Variants in ZNF584 observed in about 807,000 individuals in gnomAD.
The protein encoded by ZNF584 is zinc finger protein 584.
ZNF584 carries 12 observed loss-of-function variants against 14.7 expected under a neutral mutation model. The observed-to-expected ratio is 0.82, with a 90% confidence interval of 0.52 to 1.32. The LOEUF is 1.32. Ranked by LOEUF, ZNF584 falls within the 40% of genes most tolerant of loss-of-function variation. The pLI is 0.00. For synonymous variants in ZNF584, 204 were observed against 190.9 expected (o/e 1.07, Z -0.57); for missense variants, 478 against 518.8 (o/e 0.92, Z 0.76).
rs2122258547 is a variant in ZNF584, at chr19:58,418,311, G to C, written c.*527G>C. Reference sequence around the variant, plus strand: ...ACTATGTGGTAATAAAGGCTTTATTGTTTAAGCCGCTTAAAATTTTTTTTT... The same window carrying C: ...ACTATGTGGTAATAAAGGCTTTATTCTTTAAGCCGCTTAAAATTTTTTTTT... On this transcript the variant is annotated 3_prime_UTR_variant, in exon 4 of 4. Coordinates refer to ENST00000306910, the MANE Select transcript of ZNF584 (RefSeq NM_173548.3). The C allele has an allele frequency of 6.5e-6, 1 of 154,410 alleles. No individual in the cohort carries two copies. Among genetic ancestry groups the C allele is most frequent in the African/African-American group, 2.4e-5 (1 of 41,196 alleles). 9.6% of individuals were successfully genotyped at this position (154,410 alleles called of 1,614,324 possible). A position where few individuals can be genotyped will look rare whatever the true frequency, so the allele number is the denominator to read the frequency against.
At chr19:58,405,173 A>AC (rs1474182789), upstream of ZNF584, 2 of 116,324 alleles carry the variant, frequency 1.7e-5, no homozygotes, top group Non-Finnish European at 3.5e-5. Flanking sequence ...CAGGGGGCTG[A>AC]CCCCCCCACC....
In ZNF584 at chr19:58,410,679, ATATATG is replaced by A. The variant is rs1377414488; in HGVS notation, c.169+594_169+599del. Among the ~76,000 whole-genome samples, 498 of 53,614 alleles carry A rather than the reference ATATATG, an allele frequency of 9.3e-3. 87 individuals are homozygous for A. Among genetic ancestry groups the A allele is most frequent in the Middle Eastern group, 0.022 (4 of 184 alleles). The allele number at this position is 53,614 out of a possible 152,430, so 35.2% of individuals were successfully genotyped here. A position where few individuals can be genotyped will look rare whatever the true frequency, so the allele number is the denominator to read the frequency against. ...TGTGTATATATGTATATATGTGTAT[ATATATG>A]TATATATGTATATATATATGTATAT... On this transcript the variant is annotated intron_variant, in intron 2 of 3. Transcript: ENST00000306910.
chr19:58,410,553 A>G lies in ZNF584; in HGVS notation c.169+462A>G, dbSNP rs1185258845. Reference sequence around the variant, plus strand: ...TATATATATATATATATATATATATATATATGTGTATATATATATGTATAT... The same window carrying G: ...TATATATATATATATATATATATATGTATATGTGTATATATATATGTATAT... On this transcript the variant is annotated intron_variant, in intron 2 of 3. Transcript: ENST00000306910. Among the ~76,000 whole-genome samples the G allele has an allele frequency of 1.4e-3, 40 of 28,250 alleles. 9 individuals are homozygous for G. Among genetic ancestry groups the G allele is most frequent in the African/African-American group, 0.011 (35 of 3,204 alleles). The allele number at this position is 28,250 out of a possible 152,430, so 18.5% of individuals were successfully genotyped here. A position where few individuals can be genotyped will look rare whatever the true frequency, so the allele number is the denominator to read the frequency against.
chr19:58,408,250 C>G (rs900586996), upstream of ZNF584: 2 of 152,346 alleles, frequency 1.3e-5, no homozygotes, highest in Admixed American at 1.3e-4. Context: ...AGGCGGGCTT[C>G]TGCGGAGGCC....
At chr19:58,411,922 A>G (rs906504448) in intron 2 of ZNF584, among the ~76,000 whole-genome samples, 2 of 147,538 alleles carry the variant, frequency 1.4e-5, no homozygotes, top group Admixed American at 6.8e-5. Context: ...GTTGATTTTC[A>G]TATGTTCAAC....
rs1384401529 is a variant in ZNF584, at chr19:58,408,655, G to C, written c.-493G>C. 4.5e-5 allele frequency: 7 copies of C among 155,220 alleles called. No individual in the cohort carries two copies. Among genetic ancestry groups the C allele is most frequent in the African/African-American group, 1.7e-4 (7 of 41,692 alleles). 9.6% of individuals were successfully genotyped at this position (155,220 alleles called of 1,614,324 possible). ...AGCGGCGCCCTCCCTTATCGCCTTGGCAACGACCCAGCCGCGCCGCGAGGA... is the reference window on the plus strand; with the variant it reads ...AGCGGCGCCCTCCCTTATCGCCTTGCCAACGACCCAGCCGCGCCGCGAGGA... On this transcript the variant is annotated 5_prime_UTR_variant, in exon 1 of 4. Transcript: ENST00000306910.
rs1046226310 is a variant in ZNF584 at position 58,408,729 on chromosome 19, C to T, written c.-419C>T. On this transcript the variant is annotated 5_prime_UTR_variant, in exon 1 of 4. Transcript: ENST00000306910. ...GTGAGGGGCGCCGAGCGAGGGGAGG[C>T]GCGGGCCACGGGAGTTCCGGGAGTT... The T allele has an allele frequency of 5.9e-6, 1 of 168,690 alleles. No homozygotes were observed. The highest frequency in any genetic ancestry group is 1.3e-5 in the Non-Finnish European group (1 of 79,320). 10.4% of individuals were successfully genotyped at this position (168,690 alleles called of 1,614,324 possible). A position where few individuals can be genotyped will look rare whatever the true frequency, so the allele number is the denominator to read the frequency against.
Sources: allele counts gnomAD v4.1 joint callset (sites outside exome capture counted in the v4.1 genomes callset), GRCh38; gene constraint gnomAD v4.1.1; transcripts MANE v1.5; gene names NCBI Gene and HGNC (gene_info 2026-07-23, HGNC 2026-07-21).